The following VPS35L variants were observed in gnomAD, a reference collection of about 807,000 sequenced individuals.
VPS35L encodes VPS35 endosomal protein sorting factor like.
A neutral mutation model predicts 133.0 loss-of-function variants in VPS35L; 83 were observed. The observed-to-expected ratio is 0.62, with a 90% CI of 0.52 to 0.75. The LOEUF (loss-of-function observed/expected upper bound fraction) is 0.75. Among genes scored for constraint, VPS35L ranks in the 30% least tolerant of loss-of-function variants. The pLI is 0.00. For synonymous variants in VPS35L, 423 were observed against 449.9 expected (o/e 0.94, Z 0.76); for missense variants, 1,083 against 1,206.8 (o/e 0.90, Z 1.52).
At chr16:19,570,741 A>G (rs1057460758) in intron 3 of VPS35L, among the ~76,000 whole-genome samples, 2 of 150,582 alleles carry the variant, frequency 1.3e-5, no homozygotes, top group Non-Finnish European at 3.0e-5. Context: ...CCATGGAGGG[A>G]TAGAGATAAC....
chr16:19,579,264 T>A (rs1163640355), intron 6 of VPS35L, 136 bp downstream of exon 6: 4 of 771,352 alleles, frequency 5.2e-6, no homozygotes, highest in Middle Eastern at 3.9e-4. Flanking sequence ...AGGCAATGAC[T>A]CCATCCAGGG....
Position 19,573,173 on chromosome 16 carries a change from T to G in VPS35L, c.340T>G (p.Phe114Val). 1 of 1,614,014 alleles carries G rather than the reference T, an allele frequency of 6.2e-7. No homozygotes were observed. Among genetic ancestry groups the G allele is most frequent in the Non-Finnish European group, 8.5e-7 (1 of 1,179,912 alleles). ...RDDNSVVGSD[F>V]EPWTNKRGEI... is the part of the protein sequence containing the mutation. ...TGATAACTCCGTTGTAGGATCGGATTTTGAGCCTTGGACCAACAAACGGGG... is the reference window on the plus strand; with the variant it reads ...TGATAACTCCGTTGTAGGATCGGATGTTGAGCCTTGGACCAACAAACGGGG... The change falls in exon 4 of 31, where the codon TTT (phenylalanine) becomes GTT (valine). Residue 114 changes from phenylalanine to valine, a missense_variant. Phe to Val is a conservative substitution (Grantham distance 50). Transcript: ENST00000417362.
chr16:19,682,431 T>A, intron 28 of VPS35L, 41 bp downstream of exon 28: 1 of 1,582,308 alleles, frequency 6.3e-7, no homozygotes, highest in Middle Eastern at 1.7e-4. Flanking sequence ...CCGCATGGAT[T>A]TCATGAAAGG....
intron 1 of VPS35L, among the ~76,000 whole-genome samples, chr16:19,561,925 G>A (rs1971041807): frequency 6.6e-6 from 1 of 152,048 alleles, no homozygotes; most frequent in Non-Finnish European, 1.5e-5. Flanking sequence ...GGCCAACATG[G>A]TGAAACCCCG....
chr16:19,618,500 G>T (rs937521743), intron 14 of VPS35L, among the ~76,000 whole-genome samples: 1 of 152,114 alleles, frequency 6.6e-6, no homozygotes, highest in East Asian at 1.9e-4. Context: ...CTGACGTAAG[G>T]GTATTCATGG....
At chr16:19,590,437 G>C (rs930689879) in intron 7 of VPS35L, among the ~76,000 whole-genome samples, 5 of 151,996 alleles carry the variant, frequency 3.3e-5, no homozygotes, top group Non-Finnish European at 7.4e-5. Flanking sequence ...AACCATTGAG[G>C]TGATGAAGTG....
intron 26 of VPS35L, among the ~76,000 whole-genome samples, chr16:19,665,663 T>C (rs995281675): frequency 2.0e-5 from 3 of 152,262 alleles, no homozygotes; most frequent in Non-Finnish European, 4.4e-5. Context: ...CTCTTCGATA[T>C]ACTGATTTCC....
intron 28 of VPS35L, among the ~76,000 whole-genome samples, chr16:19,686,844 TCTCA>T (rs1975478652): frequency 6.6e-6 from 1 of 152,118 alleles, no homozygotes; most frequent in Non-Finnish European, 1.5e-5. Context: ...TCAGTCCAGG[TCTCA>T]CTGATTCCAG....
chr16:19,562,756 T>A (rs1395674322), intron 1 of VPS35L, among the ~76,000 whole-genome samples: 2 of 151,546 alleles, frequency 1.3e-5, no homozygotes, highest in African/African-American at 4.8e-5. Context: ...CTCCTTCAGA[T>A]TTTTTTTTCT....
intron 27 of VPS35L, among the ~76,000 whole-genome samples, chr16:19,679,058 A>C (rs1358620978): frequency 7.3e-5 from 11 of 151,608 alleles, no homozygotes; most frequent in Non-Finnish European, 1.5e-4. Flanking sequence ...CAGATCCTTA[A>C]ATAAAATATA....
chr16:19,689,223 C>T (rs894413977), intron 28 of VPS35L, among the ~76,000 whole-genome samples: 1 of 151,678 alleles, frequency 6.6e-6, no homozygotes, highest in Admixed American at 6.6e-5. Flanking sequence ...ATGATCCACC[C>T]GCCTCAGCCT....
chr16:19,700,610 G>A lies in VPS35L; in HGVS notation c.*134G>A, dbSNP rs1050219138. 10 of 728,716 alleles carry A rather than the reference G, an allele frequency of 1.4e-5. No individual in the cohort carries two copies. The highest frequency in any genetic ancestry group is 2.7e-5 in the East Asian group (1 of 37,152). The allele number at this position is 728,716 out of a possible 1,614,324, so 45.1% of individuals were successfully genotyped here. A position where few individuals can be genotyped will look rare whatever the true frequency, so the allele number is the denominator to read the frequency against. On this transcript the variant is annotated 3_prime_UTR_variant, in exon 31 of 31. Coordinates refer to ENST00000417362, the MANE Select transcript of VPS35L (RefSeq NM_020314.7). The stretch of plus-strand genomic sequence containing the variant: ...TTTACATATGTACAAATTGTTTTAA[G>A]CTTTGGCCTCTATCCAGGTTATTCT...
intron 19 of VPS35L, among the ~76,000 whole-genome samples, chr16:19,634,145 A>G (rs2151571675): frequency 6.6e-6 from 1 of 151,038 alleles, no homozygotes; most frequent in South Asian, 2.1e-4. Context: ...ATTATGTCAC[A>G]TTTTGCTTCT....
chr16:19,674,170 GTTTTTTTCTTTTTCTTT>G (rs1349170899), intron 27 of VPS35L, among the ~76,000 whole-genome samples: 2 of 112,462 alleles, frequency 1.8e-5, no homozygotes, highest in African/African-American at 8.0e-5. Flanking sequence ...ACCTGGTTCA[GTTTTTTTCTTTTTCTTT>G]TTTTTTTTTT....
At chr16:19,682,901 T>C (rs1256269801) in intron 28 of VPS35L, among the ~76,000 whole-genome samples, 1 of 151,424 alleles carries the variant, frequency 6.6e-6, no homozygotes, top group Non-Finnish European at 1.5e-5. Flanking sequence ...TTCAGCCCCA[T>C]CCTGCCCTTG....
chr16:19,660,575 A>C (rs1974451535), intron 26 of VPS35L, among the ~76,000 whole-genome samples: 1 of 152,146 alleles, frequency 6.6e-6, no homozygotes, highest in Non-Finnish European at 1.5e-5. Context: ...AAAAAGCAAA[A>C]TGCCAATTTT....
At chr16:19,580,137 T>C (rs984151908) in intron 6 of VPS35L, among the ~76,000 whole-genome samples, 1 of 151,710 alleles carries the variant, frequency 6.6e-6, no homozygotes, top group Non-Finnish European at 1.5e-5. Context: ...GAGATGGAGG[T>C]TGAGATCGCT....
chr16:19,637,678 T>C (rs1258929310), intron 20 of VPS35L, 22 bp downstream of exon 20: 5 of 1,525,138 alleles, frequency 3.3e-6, no homozygotes, highest in Non-Finnish European at 2.7e-6. Flanking sequence ...TTCTTAATTA[T>C]CTTTGGAAAT....
At position 19,682,292 on chromosome 16, in the gene VPS35L, G is replaced by A; in HGVS notation, c.2429G>A (p.Trp810Ter). Residue 810 changes from tryptophan (W) to a stop codon, truncating the protein, a stop_gained, in exon 28 of 31, where the codon TGG (tryptophan) becomes TAG (stop). Coordinates refer to ENST00000417362, the MANE Select transcript of VPS35L (RefSeq NM_020314.7). LOFTEE classifies it high-confidence loss of function. Reference sequence around the variant, plus strand: ...CTCAACGTGATCCAGGACTACACCTGGGAGGACAACAGCGATGAGAAAATC... The same window carrying A: ...CTCAACGTGATCCAGGACTACACCTAGGAGGACAACAGCGATGAGAAAATC... ...ELLNVIQDYTWEDNSDEKIRI... is the reference protein window; with the variant it reads ...ELLNVIQDYT The A allele has an allele frequency of 1.2e-6, 2 of 1,614,070 alleles. No individual in the cohort carries two copies. Among genetic ancestry groups the A allele is most frequent in the South Asian group, 1.1e-5 (1 of 91,072 alleles).
Sources: gnomAD v4.1 joint callset for allele counts (sites outside exome capture counted in the v4.1 genomes callset) on GRCh38, gnomAD v4.1.1 for gene constraint, MANE v1.5 for transcripts, NCBI Gene and HGNC (gene_info 2026-07-23, HGNC 2026-07-21) for gene names.